Variants in NUFIP1 observed in about 807,000 individuals in gnomAD.
NUFIP1 encodes the protein FMR1-interacting protein NUFIP1.
In NUFIP1, 38 loss-of-function variants were observed where a neutral mutation model predicts 56.2. That is an observed-to-expected ratio of 0.68 (90% CI 0.52 to 0.89). The LOEUF (loss-of-function observed/expected upper bound fraction) is 0.89. Ranked by LOEUF, NUFIP1 falls within the 40% of genes least tolerant of loss-of-function variation. The pLI is 0.00. For synonymous variants in NUFIP1, 215 were observed against 212.4 expected (o/e 1.01, Z -0.10); for missense variants, 567 against 605.8 (o/e 0.94, Z 0.67).
At chr13:44,962,993 T>A (rs1871475091) in intron 6 of NUFIP1, among the ~76,000 whole-genome samples, 1 of 152,096 alleles carries the variant, frequency 6.6e-6, no homozygotes, top group Non-Finnish European at 1.5e-5. Flanking sequence ...AACGACAAAA[T>A]TTCCTAACCC....
At position 44,988,984 on chromosome 13, in the gene NUFIP1, A is replaced by G. The variant is rs766177819; in HGVS notation, c.412+41T>C. 8.8e-6 allele frequency: 14 copies of G among 1,587,694 alleles called. No individual in the cohort carries two copies. In the South Asian group the frequency reaches 1.0e-4, roughly 11 times the overall value. ...GAAAGGGGAGAGGAAAGAACGGGGG[A>G]AAAAGGTAAAGGGGTCGACTCACGT... is the stretch of plus-strand genomic sequence containing the variant. On this transcript the variant is annotated intron_variant, in intron 1 of 9. Transcript: ENST00000379161.
At chr13:44,981,740 A>T (rs1337943509) in intron 2 of NUFIP1, among the ~76,000 whole-genome samples, 1 of 152,118 alleles carries the variant, frequency 6.6e-6, no homozygotes, top group African/African-American at 2.4e-5. Flanking sequence ...TGAACCCAGG[A>T]GGCGGAGGTT....
In NUFIP1 at chr13:44,939,378, G is replaced by A. The variant is rs182169473; in HGVS notation, c.*1828C>T. ...AAAGTAAAGTATTTCAGTTATAAAA[G>A]GCACAACTCACCAATAGTCATGTAA... On this transcript the variant is annotated 3_prime_UTR_variant, in exon 10 of 10. Coordinates refer to ENST00000379161, the MANE Select transcript of NUFIP1 (RefSeq NM_012345.3). 6.6e-6 allele frequency: 1 copy of A among 152,144 alleles called. No homozygotes were observed. The highest frequency in any genetic ancestry group is 1.9e-4 in the East Asian group (1 of 5,180). The allele number at this position is 152,144 out of a possible 1,614,324, so 9.4% of individuals were successfully genotyped here.
chr13:44,950,698 C>A (rs1009455737), intron 7 of NUFIP1, among the ~76,000 whole-genome samples: 2 of 152,140 alleles, frequency 1.3e-5, no homozygotes, highest in South Asian at 2.1e-4. Context: ...ATAAACAAGG[C>A]AACCATGAGA....
chr13:44,944,698 T>G (rs1034618952), intron 8 of NUFIP1, among the ~76,000 whole-genome samples: 1 of 152,030 alleles, frequency 6.6e-6, no homozygotes, highest in Non-Finnish European at 1.5e-5. Context: ...ATTGAAAGTA[T>G]AGAGATATGT....
At chr13:44,966,589 A>G (rs994623365) in intron 5 of NUFIP1, among the ~76,000 whole-genome samples, 3 of 152,110 alleles carry the variant, frequency 2.0e-5, no homozygotes, top group Non-Finnish European at 2.9e-5. Context: ...TGCTGGGATT[A>G]CAGGCGTGAA....
intron 1 of NUFIP1, among the ~76,000 whole-genome samples, chr13:44,983,110 C>A (rs897919563): frequency 6.6e-6 from 1 of 152,182 alleles, no homozygotes; most frequent in Non-Finnish European, 1.5e-5. Flanking sequence ...CTGCCTCAGC[C>A]TCCAAAGTCC....
chr13:44,987,460 A>C (rs1260363758), intron 1 of NUFIP1, among the ~76,000 whole-genome samples: 1 of 152,214 alleles, frequency 6.6e-6, no homozygotes, highest in Non-Finnish European at 1.5e-5. Context: ...TAATCAAGGT[A>C]TGTAAGTTGT....
In NUFIP1 at chr13:44,949,781, G is replaced by C; in HGVS notation, c.1079C>G (p.Ala360Gly). The change falls in exon 8 of 10, where the codon GCC becomes GGC. Residue 360 changes from alanine (A) to glycine (G), a missense_variant. Ala to Gly is a moderately conservative substitution (Grantham distance 60). Transcript: ENST00000379161. Reference sequence around the variant, plus strand: ...ATAGCTACTCATTAGTGAGCATAGGGCTGGTGTCACTTCCTTGGGTATCAC... The same window carrying C: ...ATAGCTACTCATTAGTGAGCATAGGCCTGGTGTCACTTCCTTGGGTATCAC... ...HSVIPKEVTPALCSLMSSYGS... is the reference protein window; with the variant it reads ...HSVIPKEVTPGLCSLMSSYGS... The C allele has an allele frequency of 6.2e-7, 1 of 1,614,124 alleles. No homozygotes were observed. Among genetic ancestry groups the C allele is most frequent in the South Asian group, 1.1e-5 (1 of 91,080 alleles).
At chr13:44,947,234 C>CTTTTTTTTTT (rs899115570) in intron 8 of NUFIP1, among the ~76,000 whole-genome samples, 1 of 124,314 alleles carries the variant, frequency 8.0e-6, no homozygotes, top group Non-Finnish European at 1.7e-5. Flanking sequence ...AAGCTTATTC[C>CTTTTTTTTTT]TTTTTTTTTT....
chr13:44,982,667 CAAA>C (rs796640736), intron 1 of NUFIP1, among the ~76,000 whole-genome samples: 3 of 139,190 alleles, frequency 2.2e-5, no homozygotes. Flanking sequence ...ATACTGACAC[CAAA>C]AAAAAAAAAA....
intron 1 of NUFIP1, among the ~76,000 whole-genome samples, chr13:44,985,398 T>C (rs577737585): frequency 1.3e-4 from 20 of 152,304 alleles, no homozygotes; most frequent in African/African-American, 3.6e-4. Flanking sequence ...CAGTAAATCA[T>C]GCAGTCCCCA....
intron 5 of NUFIP1, among the ~76,000 whole-genome samples, chr13:44,974,188 G>T (rs1871894156): frequency 6.6e-6 from 1 of 152,164 alleles, no homozygotes; most frequent in African/African-American, 2.4e-5. Context: ...AAGTCAGATA[G>T]CACTGCCCAA....
intron 6 of NUFIP1, among the ~76,000 whole-genome samples, chr13:44,960,544 G>C (rs9534012): frequency 3.3e-5 from 5 of 152,126 alleles, no homozygotes; most frequent in Non-Finnish European, 7.4e-5. Context: ...CAGGATTATA[G>C]GCATGAGCCA....
Position 44,953,051 on chromosome 13 carries a change from A to C in NUFIP1, c.1022-3213T>G, listed in dbSNP as rs556446753. ...CATCACAACCCAGGTCCATAATATC[A>C]GTAGGACTTATTACTGGCAATGTTG... is the stretch of plus-strand genomic sequence containing the variant. On this transcript the variant is annotated intron_variant, in intron 7 of 9. Transcript: ENST00000379161. Among the ~76,000 whole-genome samples the C allele has an allele frequency of 2.0e-5, 3 of 152,274 alleles. No homozygotes were observed. In the South Asian group the frequency reaches 6.2e-4, roughly 32 times the overall value.
At chr13:44,943,347 A>G in intron 9 of NUFIP1, 95 bp downstream of exon 9, 1 of 1,063,782 alleles carries the variant, frequency 9.4e-7, no homozygotes, top group Non-Finnish European at 1.4e-6. Context: ...GTAACCTTAA[A>G]ACAAACACAC....
At chr13:44,978,499 T>G (rs1015027604) in intron 5 of NUFIP1, among the ~76,000 whole-genome samples, 1 of 152,194 alleles carries the variant, frequency 6.6e-6, no homozygotes. Flanking sequence ...TAGTATTTTC[T>G]GAGAAGGCAG....
intron 1 of NUFIP1, among the ~76,000 whole-genome samples, chr13:44,988,793 G>A (rs1229680207): frequency 6.6e-6 from 1 of 152,174 alleles, no homozygotes; most frequent in Admixed American, 6.5e-5. Context: ...CTGGGTTCAA[G>A]GAATCCTCCT....
chr13:44,946,577 C>T (rs945507947), intron 8 of NUFIP1, among the ~76,000 whole-genome samples: 4 of 152,110 alleles, frequency 2.6e-5, no homozygotes, highest in Non-Finnish European at 2.9e-5. Flanking sequence ...GTGAGTATTA[C>T]CTCTTCCTTT....
Sources: allele counts gnomAD v4.1 joint callset (sites outside exome capture counted in the v4.1 genomes callset), GRCh38; gene constraint gnomAD v4.1.1; transcripts MANE v1.5; gene names NCBI Gene and HGNC (gene_info 2026-07-23, HGNC 2026-07-21).